CCDC126: variants seen among roughly 807,000 people sequenced by gnomAD.
The protein encoded by CCDC126 is coiled-coil domain-containing protein 126.
A neutral mutation model predicts 11.7 loss-of-function variants in CCDC126; 5 were observed. That is an observed-to-expected ratio of 0.43 (90% CI 0.22 to 0.90). The LOEUF is 0.90. CCDC126 is among the 40% of genes least tolerant of loss of function. The pLI is 0.27. For missense variants in CCDC126, 150 were observed against 163.1 expected, an observed-to-expected ratio of 0.92 and a Z score of 0.44; for synonymous variants, 60 against 61.9, an observed-to-expected ratio of 0.97 and a Z score of 0.14.
chr7:23,616,603 G>T (rs1782799099), intron 3 of CCDC126, among the ~76,000 whole-genome samples: 1 of 152,106 alleles, frequency 6.6e-6, no homozygotes, highest in Non-Finnish European at 1.5e-5. Flanking sequence ...GATTTTAAAG[G>T]CTCTGCTCTG....
intron 3 of CCDC126, 53 bp downstream of exon 3, chr7:23,611,606 G>C (rs986385846): frequency 7.4e-7 from 1 of 1,354,850 alleles, no homozygotes; most frequent in South Asian, 1.2e-5. Flanking sequence ...TTTAAAGATG[G>C]TTTTGGAAAT....
In CCDC126 at chr7:23,643,079, A is replaced by G; in HGVS notation, c.387A>G (p.Thr129=). The stretch of plus-strand genomic sequence containing the variant: ...GTGGGAATTTGGTGCCAGTAACCAC[A>G]AATAAAAGAACGAATGTCTCGGGCA... The part of the protein sequence containing the change: ...GTSGNLVPVT[T]NKRTNVSGSI... Residue 129 remains threonine, a synonymous_variant, in exon 4 of 4, where the codon ACA becomes ACG. Transcript: ENST00000307471. The G allele has an allele frequency of 6.2e-7, 1 of 1,614,174 alleles. No homozygotes were observed. Among genetic ancestry groups the G allele is most frequent in the Non-Finnish European group, 8.5e-7 (1 of 1,180,020 alleles).
At chr7:23,606,345 A>C (rs1456073453) in intron 2 of CCDC126, among the ~76,000 whole-genome samples, 1 of 152,144 alleles carries the variant, frequency 6.6e-6, no homozygotes, top group East Asian at 1.9e-4. Context: ...GGTGTGAGCC[A>C]CTGTGCCTGG....
chr7:23,600,374 AC>A (rs35190673), intron 2 of CCDC126, among the ~76,000 whole-genome samples: 5,506 of 80,492 alleles, frequency 0.068, 157 homozygotes, highest in Non-Finnish European at 0.078. Flanking sequence ...TTCTGTGTTA[AC>A]CCCCCCCCCC....
intron 3 of CCDC126, among the ~76,000 whole-genome samples, chr7:23,639,865 A>G (rs1232665136): frequency 1.3e-5 from 2 of 152,186 alleles, no homozygotes; most frequent in Non-Finnish European, 2.9e-5. Context: ...AATATCGATA[A>G]CAACATTTGC....
At chr7:23,619,172 C>T (rs1782845948) in intron 3 of CCDC126, among the ~76,000 whole-genome samples, 1 of 152,084 alleles carries the variant, frequency 6.6e-6, no homozygotes, top group Admixed American at 6.6e-5. Flanking sequence ...TGGAGTGGTG[C>T]ACAGAATTTA....
chr7:23,620,864 G>T (rs1392697911), intron 3 of CCDC126, among the ~76,000 whole-genome samples: 1 of 152,110 alleles, frequency 6.6e-6, no homozygotes, highest in Non-Finnish European at 1.5e-5. Flanking sequence ...GTTTTTGTCA[G>T]GTTTGTCAAA....
At chr7:23,609,998 A>G (rs1782682375) in intron 2 of CCDC126, among the ~76,000 whole-genome samples, 1 of 152,204 alleles carries the variant, frequency 6.6e-6, no homozygotes, top group South Asian at 2.1e-4. Context: ...CATTTGATGT[A>G]GTCAAAGAGT....
At chr7:23,607,854 A>G (rs574629199) in intron 2 of CCDC126, among the ~76,000 whole-genome samples, 1 of 152,278 alleles carries the variant, frequency 6.6e-6, no homozygotes, top group Admixed American at 6.5e-5. Flanking sequence ...GACAAGGTTC[A>G]TAAATTTGGA....
intron 3 of CCDC126, among the ~76,000 whole-genome samples, chr7:23,635,563 T>G (rs1034698741): frequency 1.3e-5 from 2 of 152,242 alleles, no homozygotes; most frequent in African/African-American, 4.8e-5. Context: ...TGTTCTGATA[T>G]TCAATGAAGT....
At chr7:23,640,550 C>A (rs1186461863) in intron 3 of CCDC126, among the ~76,000 whole-genome samples, 1 of 151,976 alleles carries the variant, frequency 6.6e-6, no homozygotes, top group Non-Finnish European at 1.5e-5. Flanking sequence ...TCATTATATT[C>A]ACAGTGTTGT....
chr7:23,630,474 G>C (rs1022565219), intron 3 of CCDC126, among the ~76,000 whole-genome samples: 3 of 149,630 alleles, frequency 2.0e-5, no homozygotes, highest in African/African-American at 7.4e-5. Context: ...TTCCAGCCTG[G>C]GTGACAAAGT....
chr7:23,628,359 A>C (rs1399429773), intron 3 of CCDC126, among the ~76,000 whole-genome samples: 1 of 152,208 alleles, frequency 6.6e-6, no homozygotes, highest in East Asian at 1.9e-4. Context: ...TGAAGAAGTC[A>C]GCAACCTAGA....
At chr7:23,599,414 A>G (rs1430866863) in intron 2 of CCDC126, among the ~76,000 whole-genome samples, 1 of 151,982 alleles carries the variant, frequency 6.6e-6, no homozygotes, top group Non-Finnish European at 1.5e-5. Flanking sequence ...ACAAAACATG[A>G]TTGGCCACGG....
At chr7:23,639,557 G>T (rs1350412099) in intron 3 of CCDC126, among the ~76,000 whole-genome samples, 1 of 152,144 alleles carries the variant, frequency 6.6e-6, no homozygotes, top group Non-Finnish European at 1.5e-5. Flanking sequence ...CCATCTGAAA[G>T]AAGTATATAT....
intron 2 of CCDC126, among the ~76,000 whole-genome samples, chr7:23,601,329 T>C (rs964075349): frequency 1.3e-5 from 2 of 152,164 alleles, no homozygotes; most frequent in Non-Finnish European, 1.5e-5. Flanking sequence ...AGATCAAGGC[T>C]CAGTGAGCTA....
chr7:23,636,595 G>A (rs1313405430), intron 3 of CCDC126, among the ~76,000 whole-genome samples: 1 of 121,380 alleles, frequency 8.2e-6, no homozygotes. Flanking sequence ...CGGCCGCCCC[G>A]TCTGAGAAGT....
At chr7:23,606,109 A>C (rs1477684850) in intron 2 of CCDC126, among the ~76,000 whole-genome samples, 1 of 151,838 alleles carries the variant, frequency 6.6e-6, no homozygotes, top group Non-Finnish European at 1.5e-5. Flanking sequence ...CCCAGGCTGG[A>C]GTGCAGTCGC....
intron 3 of CCDC126, among the ~76,000 whole-genome samples, chr7:23,615,630 G>T (rs931817520): frequency 3.3e-5 from 5 of 152,128 alleles, no homozygotes; most frequent in African/African-American, 1.2e-4. Flanking sequence ...AGAGAAGAGG[G>T]ACTCTTCCTT....
Sources: gnomAD v4.1 joint callset for allele counts (sites outside exome capture counted in the v4.1 genomes callset) on GRCh38, gnomAD v4.1.1 for gene constraint, MANE v1.5 for transcripts, NCBI Gene and HGNC (gene_info 2026-07-23, HGNC 2026-07-21) for gene names.